Variants in SMAD5 observed in about 807,000 individuals in gnomAD.
SMAD5 encodes SMAD family member 5.
In SMAD5, 9 loss-of-function variants were observed where a neutral mutation model predicts 43.1. That is an observed-to-expected ratio of 0.21 (90% CI 0.13 to 0.36). The LOEUF (loss-of-function observed/expected upper bound fraction) is 0.36. SMAD5 is among the 10% of genes least tolerant of loss of function. The pLI is 1.00. For missense variants in SMAD5, 348 were observed against 574.0 expected (o/e 0.61, Z 4.02); for synonymous variants, 190 against 192.4 (o/e 0.99, Z 0.10).
intron 5 of SMAD5, among the ~76,000 whole-genome samples, chr5:136,164,796 C>T (rs942025716): frequency 7.2e-5 from 11 of 152,048 alleles, no homozygotes; most frequent in Non-Finnish European, 1.2e-4. Context: ...TTGTCTATCC[C>T]AAGGTCATGA....
In SMAD5 at chr5:136,172,626, T is replaced by C. The variant is rs959588131; in HGVS notation, c.968T>C (p.Ile323Thr). Residue 323 changes from isoleucine (I) to threonine (T), a missense_variant, in exon 6 of 8, where the codon ATT becomes ACT. This residue lies in a region of SMAD5 where 97 missense variants were observed against 211.8 expected (regional missense o/e 0.46). Coordinates refer to ENST00000545279, the MANE Select transcript of SMAD5 (RefSeq NM_005903.7). ...TCAAATGTTAATCGTAATTCGACAA[T>C]TGAAAACACTAGGCGACATATTGGA... is the stretch of plus-strand genomic sequence containing the variant. ...LLSNVNRNST[I>T]ENTRRHIGKG... is the part of the protein sequence containing the mutation. 6.2e-7 allele frequency: 1 copy of C among 1,609,368 alleles called. No homozygotes were observed. The highest frequency in any genetic ancestry group is 8.5e-7 in the Non-Finnish European group (1 of 1,175,732).
chr5:136,168,714 C>G (rs1437687619), intron 5 of SMAD5, among the ~76,000 whole-genome samples: 1 of 152,186 alleles, frequency 6.6e-6, no homozygotes, highest in Non-Finnish European at 1.5e-5. Flanking sequence ...TGTGCTCTGC[C>G]TGTTCACCTC....
In SMAD5 at chr5:136,177,337, G is replaced by C. The variant is rs771781949; in HGVS notation, c.1255G>C (p.Gly419Arg). The change falls in exon 8 of 8, where the codon GGT becomes CGT. Residue 419 changes from glycine (G) to arginine (R), a missense_variant and splice_region_variant. Gly to Arg is a moderately radical substitution (Grantham distance 125, BLOSUM62 -2). Transcript: ENST00000545279. ...MCTIRMSFVK[G>R]WGAEYHRQDV... ...TGATGATATCTGTTCATTTTCATAG[G>C]GTTGGGGAGCAGAATATCACCGGCA... The C allele has an allele frequency of 6.2e-7, 1 of 1,613,574 alleles. No homozygotes were observed. The highest frequency in any genetic ancestry group is 8.5e-7 in the Non-Finnish European group (1 of 1,179,644).
chr5:136,154,305 A>G (rs1753562180), intron 3 of SMAD5, 142 bp downstream of exon 3: 1 of 585,666 alleles, frequency 1.7e-6, no homozygotes, highest in Non-Finnish European at 2.7e-6. Context: ...TGGAAGGGCT[A>G]TTGGATTTTG....
At chr5:136,165,670 T>A (rs1467481372) in intron 5 of SMAD5, among the ~76,000 whole-genome samples, 4 of 59,442 alleles carry the variant, frequency 6.7e-5, no homozygotes, top group African/African-American at 4.7e-4. Context: ...CAATTTTTTT[T>A]TTTTTTTTTT....
intron 7 of SMAD5, among the ~76,000 whole-genome samples, chr5:136,175,616 A>G (rs1008245002): frequency 1.5e-4 from 23 of 152,338 alleles, no homozygotes; most frequent in African/African-American, 4.8e-4. Flanking sequence ...TACTGTATCT[A>G]CATATTTAAG....
chr5:136,139,954 T>A (rs1278554657), intron 1 of SMAD5, among the ~76,000 whole-genome samples: 2 of 152,058 alleles, frequency 1.3e-5, no homozygotes, highest in Admixed American at 1.3e-4. Context: ...CTCAAGTGAT[T>A]CTCCTGCCTT....
At chr5:136,168,360 T>C (rs1754090639) in intron 5 of SMAD5, among the ~76,000 whole-genome samples, 2 of 152,118 alleles carry the variant, frequency 1.3e-5, no homozygotes, top group East Asian at 1.9e-4. Context: ...TTTAAACATA[T>C]ACCTCTATTT....
At chr5:136,149,533 T>C (rs1382041405) in intron 2 of SMAD5, among the ~76,000 whole-genome samples, 1 of 151,714 alleles carries the variant, frequency 6.6e-6, no homozygotes, top group Non-Finnish European at 1.5e-5. Context: ...AGTGAGATTT[T>C]ACTGTGGTAG....
intron 5 of SMAD5, among the ~76,000 whole-genome samples, chr5:136,168,549 A>G (rs964622901): frequency 1.3e-5 from 2 of 152,178 alleles, no homozygotes; most frequent in Non-Finnish European, 1.5e-5. Context: ...CTCTCACCAG[A>G]GTGGGACATT....
chr5:136,161,189 A>G, intron 4 of SMAD5, 82 bp downstream of exon 4: 1 of 1,253,626 alleles, frequency 8.0e-7, no homozygotes, highest in South Asian at 1.4e-5. Flanking sequence ...CTCTGGGTGA[A>G]CTGTTACATG....
At chr5:136,137,758 T>C (rs755775219) in intron 1 of SMAD5, among the ~76,000 whole-genome samples, 32 of 152,208 alleles carry the variant, frequency 2.1e-4, no homozygotes, top group Non-Finnish European at 4.4e-4. Flanking sequence ...TCTTTGGAGA[T>C]GAAAGTGTAA....
At chr5:136,142,233 T>C (rs1753104998) in intron 1 of SMAD5, among the ~76,000 whole-genome samples, 2 of 152,152 alleles carry the variant, frequency 1.3e-5, no homozygotes, top group South Asian at 4.1e-4. Flanking sequence ...AGTAGGAGTA[T>C]GTGATGCGGT....
At chr5:136,162,103 C>T (rs1196487256) in intron 4 of SMAD5, among the ~76,000 whole-genome samples, 19 of 152,206 alleles carry the variant, frequency 1.2e-4, no homozygotes, top group Non-Finnish European at 4.4e-5. Context: ...TCCAGCAACT[C>T]AGGGCACAAG....
rs535830572 is a variant in SMAD5 at position 136,165,703 on chromosome 5, A to G, written c.775+2312A>G. Among the ~76,000 whole-genome samples the G allele has an allele frequency of 3.9e-4, 12 of 30,778 alleles. No homozygotes were observed. The East Asian group carries it at 0.013, about 32-fold the overall frequency. The allele number at this position is 30,778 out of a possible 152,430, so 20.2% of individuals were successfully genotyped here. The stretch of plus-strand genomic sequence containing the variant: ...TTTTTTTTTTTTTTTTTTTTTTGTG[A>G]CTGGCTTATTTTTCCTCAGGGCACA... On this transcript the variant is annotated intron_variant, in intron 5 of 7. Coordinates refer to ENST00000545279, the MANE Select transcript of SMAD5 (RefSeq NM_005903.7).
At chr5:136,161,586 C>T (rs1753827909) in intron 4 of SMAD5, among the ~76,000 whole-genome samples, 1 of 152,182 alleles carries the variant, frequency 6.6e-6, no homozygotes, top group African/African-American at 2.4e-5. Flanking sequence ...TACTGTGTGG[C>T]TTTTCAAATT....
chr5:136,154,133 C>A lies in SMAD5; in HGVS notation c.373C>A (p.Pro125Thr). Residue 125 changes from proline (P) to threonine (T), a missense_variant, in exon 3 of 8, where the codon CCA (proline) becomes ACA (threonine). By Grantham distance (38) the Pro-to-Thr change is conservative. This residue lies in a region of SMAD5 where 27 missense variants were observed against 53.9 expected (regional missense o/e 0.50). Transcript: ENST00000545279. ...TAAGCAAAAAGAAGTTTGTATCAACCCATACCACTATAAGAGAGTGGAGAG... is the reference window on the plus strand; with the variant it reads ...TAAGCAAAAAGAAGTTTGTATCAACACATACCACTATAAGAGAGTGGAGAG... ...GSKQKEVCIN[P>T]YHYKRVESPV... 1 of 1,583,570 alleles carries A rather than the reference C, an allele frequency of 6.3e-7. No individual in the cohort carries two copies. Among genetic ancestry groups the A allele is most frequent in the South Asian group, 1.2e-5 (1 of 86,194 alleles).
rs770841448 is a variant in SMAD5 at position 136,161,048 on chromosome 5, G to T, written c.596G>T (p.Ser199Ile). 1 of 1,613,396 alleles carries T rather than the reference G, an allele frequency of 6.2e-7. No homozygotes were observed. Among genetic ancestry groups the T allele is most frequent in the Admixed American group, 1.7e-5 (1 of 59,962 alleles). The change falls in exon 4 of 8, where the codon AGC (serine) becomes ATC (isoleucine). Residue 199 changes from serine (S) to isoleucine (I), a missense_variant. Coordinates refer to ENST00000545279, the MANE Select transcript of SMAD5 (RefSeq NM_005903.7). ...PNSPYPPSPA[S>I]STYPNSPASS... ...AGCCCTTATCCCCCTTCTCCTGCTA[G>T]CAGCACATATCCCAACTCCCCAGCA...
chr5:136,175,563 T>C (rs1754386293), intron 7 of SMAD5, among the ~76,000 whole-genome samples: 1 of 152,242 alleles, frequency 6.6e-6, no homozygotes, highest in Non-Finnish European at 1.5e-5. Flanking sequence ...AGATTTGTGC[T>C]TAAAATCTGA....
Sources: gnomAD v4.1 joint callset for allele counts (sites outside exome capture counted in the v4.1 genomes callset) on GRCh38, gnomAD v4.1.1 for gene constraint, gnomAD v4.1.1 regional missense constraint, MANE v1.5 for transcripts, NCBI Gene and HGNC (gene_info 2026-07-23, HGNC 2026-07-21) for gene names.